DPP7: variants seen among roughly 807,000 people sequenced by gnomAD.
DPP7 encodes the protein dipeptidyl peptidase 7.
In DPP7, 74 loss-of-function variants were observed where a neutral mutation model predicts 58.8. The observed-to-expected ratio is 1.26, with a 90% confidence interval of 1.04 to 1.53. The LOEUF is 1.53. DPP7 is among the 40% of genes most tolerant of loss of function. The probability of loss-of-function intolerance (pLI) is 0.00; values close to 1 mark genes in which losing one functional copy is unlikely to be tolerated. For missense variants in DPP7, 807 were observed against 692.3 expected, an observed-to-expected ratio of 1.17 and a Z score of -1.86; for synonymous variants, 350 against 303.6, an observed-to-expected ratio of 1.15 and a Z score of -1.59.
Position 137,113,017 on chromosome 9 carries a change from A to G in DPP7, c.806T>C (p.Leu269Pro). ...FMFARNAFTV[L>P]AMMDYPYPTD... ...GGGGTAGGGGTAGTCCATCATGGCC[A>G]GCACGGTGAAGGCATTCCGGGCGAA... The change falls in exon 7 of 13, where the codon CTG becomes CCG. Residue 269 changes from leucine (L) to proline (P), a missense_variant. Around this residue, in one of 3 missense-constraint regions of DPP7, gnomAD observed 624 missense variants for 531.2 expected, o/e 1.17. Transcript: ENST00000371579. The G allele has an allele frequency of 1.9e-6, 3 of 1,613,810 alleles. No individual in the cohort carries two copies. Among genetic ancestry groups the G allele is most frequent in the Non-Finnish European group, 1.7e-6 (2 of 1,180,020 alleles).
At chr9:137,116,950 C>T (rs1311566152), upstream of DPP7, among the ~76,000 whole-genome samples, 1 of 152,206 alleles carries the variant, frequency 6.6e-6, no homozygotes, top group Non-Finnish European at 1.5e-5. Flanking sequence ...CAGCACCTTC[C>T]CTTCAAGCTA....
rs747602768 is a variant in DPP7, at chr9:137,114,536, G to A, written c.108C>T (p.Phe36=). The change falls in exon 2 of 13, where the codon TTC becomes TTT. Residue 36 remains phenylalanine (F), a synonymous_variant. Transcript: ENST00000371579. ...AGTTGAAGTGGTCCAGACGCTGCTG[G>A]AAGAAGCGCTCCTGGAAGCCGGGGT... ...APDPGFQERF[F]QQRLDHFNFE... 1.3e-6 allele frequency: 2 copies of A among 1,573,206 alleles called. No individual in the cohort carries two copies. Among genetic ancestry groups the A allele is most frequent in the East Asian group, 2.4e-5 (1 of 41,238 alleles).
At chr9:137,112,315 G>A (rs1831412965) in intron 8 of DPP7, 85 bp from the exon 9 acceptor site, 2 of 1,114,228 alleles carry the variant, frequency 1.8e-6, no homozygotes, top group Non-Finnish European at 2.5e-6. Flanking sequence ...CCTCGGAATG[G>A]TCCTGCAGGG....
chr9:137,111,834 C>T (rs1831379370), intron 10 of DPP7, 39 bp downstream of exon 10: 1 of 1,612,374 alleles, frequency 6.2e-7, no homozygotes, highest in Non-Finnish European at 8.5e-7. Context: ...GAGCTCGGGG[C>T]AGAAAGCAGG....
In DPP7 at chr9:137,112,021, G is replaced by C. The variant is rs200073342; in HGVS notation, c.1059C>G (p.Thr353=). The change falls in exon 10 of 13, where the codon ACC becomes ACG. Residue 353 remains threonine (T), a synonymous_variant. Coordinates refer to ENST00000371579, the MANE Select transcript of DPP7 (RefSeq NM_013379.3). ...DARAWDYQAC[T]EINLTFASNN... The stretch of plus-strand genomic sequence containing the variant: ...TGCTGGCGAAGGTCAGGTTGATCTC[G>C]GTGCAGGCCTGCAGGTGCCCCAGCC... 2 of 1,613,416 alleles carry C rather than the reference G, an allele frequency of 1.2e-6. No homozygotes were observed. The highest frequency in any genetic ancestry group is 1.7e-5 in the Admixed American group (1 of 59,992).
rs1831569562 is a variant in DPP7 at position 137,114,632 on chromosome 9, G to T, written c.67+15C>A. ...GCCGGGACCGGGGAATGGGCCGGGGGGCGCCGCCACTCACCCCCCGCCTGG... is the reference window on the plus strand; with the variant it reads ...GCCGGGACCGGGGAATGGGCCGGGGTGCGCCGCCACTCACCCCCCGCCTGG... On this transcript the variant is annotated intron_variant, in intron 1 of 12. Coordinates refer to ENST00000371579, the MANE Select transcript of DPP7 (RefSeq NM_013379.3). The T allele has an allele frequency of 4.3e-6, 6 of 1,399,460 alleles. No homozygotes were observed. Among genetic ancestry groups the T allele is most frequent in the Non-Finnish European group, 5.6e-6 (6 of 1,077,308 alleles). 86.7% of individuals were successfully genotyped at this position (1,399,460 alleles called of 1,614,324 possible). A position where few individuals can be genotyped will look rare whatever the true frequency, so the allele number is the denominator to read the frequency against.
chr9:137,114,731 C>T lies in DPP7; in HGVS notation c.-18G>A, dbSNP rs1449748856. 7 of 1,272,750 alleles carry T rather than the reference C, an allele frequency of 5.5e-6. No individual in the cohort carries two copies. Among genetic ancestry groups the T allele is most frequent in the Admixed American group, 4.2e-5 (1 of 23,552 alleles). 78.8% of individuals were successfully genotyped at this position (1,272,750 alleles called of 1,614,324 possible). A position where few individuals can be genotyped will look rare whatever the true frequency, so the allele number is the denominator to read the frequency against. ...GAGCCCATGTCGCCTTCCGCGGGCG[C>T]CCGTCACGTGGGCGGGGTCACGGGG... On this transcript the variant is annotated 5_prime_UTR_variant, in exon 1 of 13. Coordinates refer to ENST00000371579, the MANE Select transcript of DPP7 (RefSeq NM_013379.3).
upstream of DPP7, chr9:137,114,868 G>C (rs1402012608): frequency 4.5e-6 from 2 of 448,234 alleles, no homozygotes; most frequent in African/African-American, 2.1e-5. Flanking sequence ...CCAACACCCC[G>C]CGCCCCGCGG....
chr9:137,111,829 C>G, intron 10 of DPP7, 44 bp downstream of exon 10: 4 of 1,612,834 alleles, frequency 2.5e-6, no homozygotes, highest in Non-Finnish European at 3.4e-6. Flanking sequence ...GTGCAGAGCT[C>G]GGGGCAGAAA....
chr9:137,112,847 A>C (rs750045518), intron 7 of DPP7, 42 bp from the exon 8 acceptor site: 14 of 1,602,666 alleles, frequency 8.7e-6, no homozygotes, highest in African/African-American at 1.3e-5. Flanking sequence ...GGTCCCCTCC[A>C]CCAGCTCCGC....
upstream of DPP7, among the ~76,000 whole-genome samples, chr9:137,115,367 T>G (rs530497903): frequency 6.6e-5 from 10 of 152,140 alleles, no homozygotes; most frequent in Non-Finnish European, 1.0e-4. Context: ...AGGCCTCTGC[T>G]GGGAGCTGGG....
At chr9:137,114,785 CCCA>C, upstream of DPP7, 1 of 1,142,444 alleles carries the variant, frequency 8.8e-7, no homozygotes, top group Non-Finnish European at 1.1e-6. Flanking sequence ...CCCTCCAGGC[CCCA>C]CGTGTTTCGG....
Position 137,111,908 on chromosome 9 carries a change from C to T in DPP7, c.1172G>A (p.Arg391Gln), listed in dbSNP as rs200823070. 138 of 1,610,434 alleles carry T rather than the reference C, an allele frequency of 8.6e-5. No homozygotes were observed. The highest frequency in any genetic ancestry group is 6.1e-4 in the East Asian group (27 of 44,534). Residue 391 changes from arginine to glutamine, a missense_variant, in exon 10 of 13, where the codon CGG (arginine) becomes CAG (glutamine). Physicochemically the swap from Arg to Gln is conservative, Grantham distance 43. Around this residue, in one of 3 missense-constraint regions of DPP7, gnomAD observed 624 missense variants for 531.2 expected, o/e 1.17. Coordinates refer to ENST00000371579, the MANE Select transcript of DPP7 (RefSeq NM_013379.3). Reference protein sequence around the residue: ...YCLDTWGVWPRPDWLLTSFWG... With the variant: ...YCLDTWGVWPQPDWLLTSFWG... ...GAAGCTGGTCAGCAGCCAGTCGGGC[C>T]GGGGCCACACGCCCCAGGTGTCCAG... is the stretch of plus-strand genomic sequence containing the variant.
rs1209101155 is a variant in DPP7, at chr9:137,113,291, G to A, written c.622-4C>T. On this transcript the variant is annotated splice_polypyrimidine_tract_variant and splice_region_variant and intron_variant, in intron 5 of 12. Transcript: ENST00000371579. ...TGGGACTCTGGCCCTCAAAGTCCTG[G>A]GGGAAAGAGACCGTGCTGACTGCAG... 5 of 1,613,700 alleles carry A rather than the reference G, an allele frequency of 3.1e-6. No individual in the cohort carries two copies. Among genetic ancestry groups the A allele is most frequent in the Non-Finnish European group, 4.2e-6 (5 of 1,179,978 alleles).
chr9:137,111,249 G>A (rs1397431146), intron 11 of DPP7, among the ~76,000 whole-genome samples: 20 of 147,186 alleles, frequency 1.4e-4, no homozygotes, highest in African/African-American at 4.0e-4. Flanking sequence ...AGGGTGAGAC[G>A]GGAGCAGGGT....
intron 8 of DPP7, chr9:137,112,436 C>T: frequency 1.6e-6 from 1 of 625,692 alleles, no homozygotes; most frequent in Non-Finnish European, 2.8e-6. Context: ...GTTGAGGGCC[C>T]CCCCGCTCTC....
chr9:137,116,272 G>T (rs187271121), upstream of DPP7, among the ~76,000 whole-genome samples: 82 of 152,372 alleles, frequency 5.4e-4, no homozygotes, highest in East Asian at 0.011. Flanking sequence ...TCTGCCAGGG[G>T]TGAGGGTGGC....
At position 137,111,929 on chromosome 9, in the gene DPP7, T is replaced by C; in HGVS notation, c.1151A>G (p.Asp384Gly). The C allele has an allele frequency of 6.6e-7, 1 of 1,525,896 alleles. No homozygotes were observed. Among genetic ancestry groups the C allele is most frequent in the Middle Eastern group, 1.8e-4 (1 of 5,650 alleles). The allele number at this position is 1,525,896 out of a possible 1,614,324, so 94.5% of individuals were successfully genotyped here. A position where few individuals can be genotyped will look rare whatever the true frequency, so the allele number is the denominator to read the frequency against. ...TDELRQRYCL[D>G]TWGVWPRPDW... ...GGGCCGGGGCCACACGCCCCAGGTG[T>C]CCAGGCAGTACCGCTGGCGGAGCTC... is the stretch of plus-strand genomic sequence containing the variant. The change falls in exon 10 of 13, where the codon GAC becomes GGC. Residue 384 changes from aspartate to glycine, a missense_variant. This residue lies in a region of DPP7 where 624 missense variants were observed against 531.2 expected (regional missense o/e 1.17). Coordinates refer to ENST00000371579, the MANE Select transcript of DPP7 (RefSeq NM_013379.3).
upstream of DPP7, among the ~76,000 whole-genome samples, chr9:137,117,928 A>T (rs770846322): frequency 6.6e-6 from 1 of 151,042 alleles, no homozygotes; most frequent in Non-Finnish European, 1.5e-5. Flanking sequence ...CCATTCTACC[A>T]TCTGTCTCTG....
Sources: allele counts gnomAD v4.1 joint callset (sites outside exome capture counted in the v4.1 genomes callset), GRCh38; gene constraint gnomAD v4.1.1; regional missense constraint gnomAD v4.1.1; transcripts MANE v1.5; gene names NCBI Gene and HGNC (gene_info 2026-07-23, HGNC 2026-07-21).